The following ZCCHC7 variants were observed in gnomAD, a reference collection of about 807,000 sequenced individuals.
The protein encoded by ZCCHC7 is zinc finger CCHC-type containing 7.
Under a neutral mutation model 52.0 loss-of-function variants are expected in ZCCHC7, and 35 were observed. That is an observed-to-expected ratio of 0.67 (90% CI 0.51 to 0.89). The LOEUF (loss-of-function observed/expected upper bound fraction) is 0.89, where lower values mean the gene tolerates loss of function less well. Ranked by LOEUF, ZCCHC7 falls within the 40% of genes least tolerant of loss-of-function variation. The pLI is 0.00. For synonymous variants in ZCCHC7, 217 were observed against 221.5 expected (o/e 0.98, Z 0.18); for missense variants, 574 against 649.1 (o/e 0.88, Z 1.26).
chr9:37,222,326 AGAGTGTGT>A (rs1345986846), intron 2 of ZCCHC7, among the ~76,000 whole-genome samples: 1 of 121,522 alleles, frequency 8.2e-6, no homozygotes, highest in African/African-American at 3.1e-5. Flanking sequence ...CCAGAATAAC[AGAGTGTGT>A]GTGTGTGTGT....
chr9:37,231,375 C>T (rs1365326518), intron 2 of ZCCHC7, among the ~76,000 whole-genome samples: 1 of 152,088 alleles, frequency 6.6e-6, no homozygotes, highest in Admixed American at 6.6e-5. Context: ...AACTTCATGG[C>T]TTTTTAAATA....
At chr9:37,347,959 A>G (rs1032511599) in intron 6 of ZCCHC7, among the ~76,000 whole-genome samples, 2 of 152,160 alleles carry the variant, frequency 1.3e-5, no homozygotes, top group African/African-American at 4.8e-5. Context: ...CTTCCCTTCT[A>G]TGTCCATTTC....
At chr9:37,245,451 A>G (rs998789953) in intron 2 of ZCCHC7, among the ~76,000 whole-genome samples, 2 of 152,076 alleles carry the variant, frequency 1.3e-5, no homozygotes, top group Admixed American at 1.3e-4. Context: ...TAGAAGCCAT[A>G]TAACAGTAAA....
At chr9:37,173,960 A>T (rs1821878141) in intron 2 of ZCCHC7, among the ~76,000 whole-genome samples, 1 of 152,168 alleles carries the variant, frequency 6.6e-6, no homozygotes, top group Non-Finnish European at 1.5e-5. Context: ...AACATCTCTA[A>T]GCATAGTTTC....
rs1358433488 is a variant in ZCCHC7, at chr9:37,195,341, G to T, written c.610+68399G>T. On this transcript the variant is annotated intron_variant, in intron 2 of 8. Transcript: ENST00000336755. ...TCATATTGTTGATAAGTTTAATTCAGCAAATAACTGTTATTTAGCCACTAG... is the reference window on the plus strand; with the variant it reads ...TCATATTGTTGATAAGTTTAATTCATCAAATAACTGTTATTTAGCCACTAG... 2.0e-5 allele frequency among the ~76,000 whole-genome samples: 3 copies of T among 152,040 alleles called. No homozygotes were observed. The East Asian group carries it at 5.8e-4, about 29-fold the overall frequency.
chr9:37,338,811 A>G (rs920438561), intron 6 of ZCCHC7, among the ~76,000 whole-genome samples: 1 of 152,168 alleles, frequency 6.6e-6, no homozygotes, highest in Non-Finnish European at 1.5e-5. Flanking sequence ...GAAAATATCA[A>G]AAGCATACAT....
At chr9:37,259,096 AGCGTCT>A (rs1423665192) in intron 2 of ZCCHC7, among the ~76,000 whole-genome samples, 1 of 152,216 alleles carries the variant, frequency 6.6e-6, no homozygotes, top group East Asian at 1.9e-4. Flanking sequence ...AACTTGGGTT[AGCGTCT>A]AATGGTCGGG....
chr9:37,147,327 CTT>C, intron 2 of ZCCHC7: 1 of 152,082 alleles, frequency 6.6e-6, no homozygotes, highest in African/African-American at 2.4e-5. Flanking sequence ...ATAAAAACCA[CTT>C]TCATTTAATG....
intron 2 of ZCCHC7, among the ~76,000 whole-genome samples, chr9:37,249,463 T>TTTTTA (rs1257252503): frequency 2.0e-5 from 3 of 147,514 alleles, no homozygotes; most frequent in African/African-American, 7.6e-5. Flanking sequence ...TTCCTTTTTT[T>TTTTTA]TTTTTTTTTT....
At chr9:37,250,581 C>T (rs570060091) in intron 2 of ZCCHC7, among the ~76,000 whole-genome samples, 4 of 152,266 alleles carry the variant, frequency 2.6e-5, no homozygotes, top group South Asian at 2.1e-4. Flanking sequence ...GGATTACAGG[C>T]GTGAGCCACC....
At chr9:37,343,858 A>G (rs1192997070) in intron 6 of ZCCHC7, among the ~76,000 whole-genome samples, 1 of 152,240 alleles carries the variant, frequency 6.6e-6, no homozygotes, top group Non-Finnish European at 1.5e-5. Context: ...TCTCTGTTAT[A>G]ACTCTATCCT....
At chr9:37,298,736 T>C (rs941767781) in intron 2 of ZCCHC7, among the ~76,000 whole-genome samples, 2 of 152,226 alleles carry the variant, frequency 1.3e-5, no homozygotes, top group Non-Finnish European at 2.9e-5. Flanking sequence ...TGAATCCTAC[T>C]GTATTTTTAC....
intron 6 of ZCCHC7, among the ~76,000 whole-genome samples, chr9:37,335,326 AT>A (rs893588230): frequency 4.6e-5 from 7 of 151,226 alleles, no homozygotes; most frequent in African/African-American, 9.7e-5. Flanking sequence ...ACTAGGTGGC[AT>A]TTTTTTTTAT....
At position 37,307,316 on chromosome 9, in the gene ZCCHC7, T is replaced by C. The variant is rs188443036; in HGVS notation, c.951+1602T>C. On this transcript the variant is annotated intron_variant, in intron 5 of 8. Transcript: ENST00000336755. ...GTAGTTTTCTACATTCAGTTTACCCTAATTCCTAATGAGTGTCTCATTAAG... is the reference window on the plus strand; with the variant it reads ...GTAGTTTTCTACATTCAGTTTACCCCAATTCCTAATGAGTGTCTCATTAAG... 1.9e-3 allele frequency among the ~76,000 whole-genome samples: 287 copies of C among 152,310 alleles called. 3 individuals carry two copies. The South Asian group carries it at 0.021, about 11-fold the overall frequency.
chr9:37,132,934 C>T (rs561833827), intron 2 of ZCCHC7, among the ~76,000 whole-genome samples: 14 of 152,228 alleles, frequency 9.2e-5, no homozygotes, highest in South Asian at 2.1e-4. Context: ...GTCTGGAGTT[C>T]GAGACTAGCC....
chr9:37,281,054 T>C (rs1588604862), intron 2 of ZCCHC7, among the ~76,000 whole-genome samples: 1 of 152,232 alleles, frequency 6.6e-6, no homozygotes, highest in African/African-American at 2.4e-5. Context: ...AATTGTATGA[T>C]ACTAACTCTA....
intron 6 of ZCCHC7, among the ~76,000 whole-genome samples, chr9:37,335,726 A>G (rs1438979868): frequency 6.6e-6 from 1 of 152,130 alleles, no homozygotes; most frequent in African/African-American, 2.4e-5. Flanking sequence ...TCTTATATTT[A>G]TTGAAGGGAA....
At chr9:37,350,363 C>T (rs1273234674) in intron 7 of ZCCHC7, among the ~76,000 whole-genome samples, 1 of 152,098 alleles carries the variant, frequency 6.6e-6, no homozygotes, top group Non-Finnish European at 1.5e-5. Context: ...AACTGCTGGC[C>T]TCAGATGATC....
intron 2 of ZCCHC7, among the ~76,000 whole-genome samples, chr9:37,254,006 CA>C (rs1826455555): frequency 6.6e-6 from 1 of 151,732 alleles, no homozygotes; most frequent in Admixed American, 6.6e-5. Flanking sequence ...TTTTCGATTC[CA>C]TTATTATGTT....
Sources: gnomAD v4.1 joint callset for allele counts (sites outside exome capture counted in the v4.1 genomes callset) on GRCh38, gnomAD v4.1.1 for gene constraint, MANE v1.5 for transcripts, NCBI Gene and HGNC (gene_info 2026-07-23, HGNC 2026-07-21) for gene names.